The following TOP3A variants were observed in gnomAD, a reference collection of about 807,000 sequenced individuals.
TOP3A encodes DNA topoisomerase 3-alpha.
Under a neutral mutation model 111.3 loss-of-function variants are expected in TOP3A, and 64 were observed. The observed-to-expected ratio is 0.57, with a 90% CI of 0.47 to 0.71. The LOEUF is 0.71. Ranked by LOEUF, TOP3A falls within the 30% of genes least tolerant of loss-of-function variation. TOP3A has a pLI of 0.00. For missense variants in TOP3A, 1,104 were observed against 1,285.0 expected (o/e 0.86, Z 2.15); for synonymous variants, 484 against 485.1 (o/e 1.00, Z 0.03).
In TOP3A at chr17:18,294,829, C is replaced by G. The variant is rs749634356; in HGVS notation, c.991-44G>C. ...GGCATGTTAGGTGTACTGCATGGGTCAGGCAGCACAACTCAAATACACAAC... is the reference window on the plus strand; with the variant it reads ...GGCATGTTAGGTGTACTGCATGGGTGAGGCAGCACAACTCAAATACACAAC... On this transcript the variant is annotated intron_variant, in intron 9 of 18. Transcript: ENST00000321105. 4 of 1,319,386 alleles carry G rather than the reference C, an allele frequency of 3.0e-6. No homozygotes were observed. The South Asian group carries it at 4.7e-5, about 16-fold the overall frequency. 81.7% of individuals were successfully genotyped at this position (1,319,386 alleles called of 1,614,324 possible).
intron 17 of TOP3A, 35 bp downstream of exon 17, chr17:18,280,501 C>G: frequency 6.2e-7 from 1 of 1,608,018 alleles, no homozygotes; most frequent in Non-Finnish European, 8.5e-7. Context: ...TGTACACACT[C>G]CAGAGGAGGC....
chr17:18,288,153 T>TATATATAAA (rs1567739499), intron 13 of TOP3A, among the ~76,000 whole-genome samples: 2 of 79,840 alleles, frequency 2.5e-5, no homozygotes, highest in Admixed American at 1.2e-4. Flanking sequence ...ATATATAAAT[T>TATATATAAA]TTTTTTTTTT....
chr17:18,276,768 C>T (rs1009950274), intron 18 of TOP3A, among the ~76,000 whole-genome samples: 2 of 152,224 alleles, frequency 1.3e-5, no homozygotes, highest in African/African-American at 4.8e-5. Context: ...TCCACGTACA[C>T]CATTCAACTT....
At position 18,277,760 on chromosome 17, in the gene TOP3A, G is replaced by T. The variant is rs763832794; in HGVS notation, c.2742C>A (p.Asn914Lys). The change falls in exon 18 of 19, where the codon AAC becomes AAA. Residue 914 changes from asparagine to lysine, a missense_variant. Transcript: ENST00000321105. ...CACATGTGTGGAACTGGCGCCCCTTGTTGGGTCCATCCTTCTGCACAGTCC... is the reference window on the plus strand; with the variant it reads ...CACATGTGTGGAACTGGCGCCCCTTTTTGGGTCCATCCTTCTGCACAGTCC... ...VTRTVQKDGPNKGRQFHTCAK... is the reference protein window; with the variant it reads ...VTRTVQKDGPKKGRQFHTCAK... The T allele has an allele frequency of 1.9e-6, 3 of 1,614,112 alleles. No individual in the cohort carries two copies. The highest frequency in any genetic ancestry group is 2.2e-5 in the South Asian group (2 of 91,094).
In TOP3A at chr17:18,285,380, C is replaced by T. The variant is rs527565855; in HGVS notation, c.1711+27G>A. Reference sequence around the variant, plus strand: ...GGGACTTGGGCGACACCACCCACTACCCACTGCAAGCTCTGTCCTCCCTTA... The same window carrying T: ...GGGACTTGGGCGACACCACCCACTATCCACTGCAAGCTCTGTCCTCCCTTA... On this transcript the variant is annotated intron_variant, in intron 14 of 18. Coordinates refer to ENST00000321105, the MANE Select transcript of TOP3A (RefSeq NM_004618.5). 83 of 1,613,542 alleles carry T rather than the reference C, an allele frequency of 5.1e-5. 3 individuals are homozygous for T. In the South Asian group the frequency reaches 8.6e-4, roughly 17 times the overall value.
chr17:18,275,344 C>CTT (rs71155327), intron 18 of TOP3A, among the ~76,000 whole-genome samples: 834 of 77,132 alleles, frequency 0.011, 7 homozygotes, highest in East Asian at 0.014. Flanking sequence ...GCTGAACCAA[C>CTT]TTTTTTTTTT....
chr17:18,273,876 G>A lies in TOP3A; in HGVS notation c.*926C>T, dbSNP rs1979155516. On this transcript the variant is annotated 3_prime_UTR_variant, in exon 19 of 19. Transcript: ENST00000321105. The stretch of plus-strand genomic sequence containing the variant: ...TGATCTCAAGCAATCCTCCAGCCTT[G>A]GCCTCCCTAAGTGCTGGATTACAGG... 1 of 152,030 alleles carries A rather than the reference G, an allele frequency of 6.6e-6. No individual in the cohort carries two copies. The highest frequency in any genetic ancestry group is 2.4e-5 in the African/African-American group (1 of 41,394). The allele number at this position is 152,030 out of a possible 1,614,324, so 9.4% of individuals were successfully genotyped here. A position where few individuals can be genotyped will look rare whatever the true frequency, so the allele number is the denominator to read the frequency against.
Position 18,305,240 on chromosome 17 carries a change from A to G in TOP3A, c.391-20T>C. The stretch of plus-strand genomic sequence containing the variant: ...AGTTTTCTTAAGTTCGCAGTGGAAT[A>G]AGAGTGGTGAGAACAGAATTGCACA... On this transcript the variant is annotated intron_variant, in intron 4 of 18. Coordinates refer to ENST00000321105, the MANE Select transcript of TOP3A (RefSeq NM_004618.5). 23 of 1,592,682 alleles carry G rather than the reference A, an allele frequency of 1.4e-5. No homozygotes were observed. The highest frequency in any genetic ancestry group is 2.0e-5 in the Non-Finnish European group (23 of 1,160,698).
In TOP3A at chr17:18,277,836, T is replaced by C. The variant is rs772151840; in HGVS notation, c.2666A>G (p.Asp889Gly). The change falls in exon 18 of 19, where the codon GAT (aspartate) becomes GGT (glycine). Residue 889 changes from aspartate (D) to glycine (G), a missense_variant. Physicochemically the swap from Asp to Gly is moderately conservative, Grantham distance 94 (BLOSUM62 -1). Coordinates refer to ENST00000321105, the MANE Select transcript of TOP3A (RefSeq NM_004618.5). The part of the protein sequence containing the change: ...IHLGGFGNPG[D>G]GSGSGTSCLC... ...GCAGGATGTGCCACTACCACTGCCA[T>C]CACCAGGGTTGCCAAACCCACCTAG... The C allele has an allele frequency of 6.2e-7, 1 of 1,614,126 alleles. No homozygotes were observed. The highest frequency in any genetic ancestry group is 1.7e-5 in the Admixed American group (1 of 60,034).
At chr17:18,300,853 T>C (rs146379568) in intron 8 of TOP3A, among the ~76,000 whole-genome samples, 106 of 152,254 alleles carry the variant, frequency 7.0e-4, no homozygotes, top group African/African-American at 2.5e-3. Flanking sequence ...GAGAGAGAGA[T>C]GGAGAAGGCA....
rs376457096 is a variant in TOP3A, at chr17:18,302,443, T to C, written c.644-9A>G. The C allele has an allele frequency of 4.1e-5, 32 of 789,236 alleles. No homozygotes were observed. The highest frequency in any genetic ancestry group is 6.3e-5 in the African/African-American group (2 of 31,780). The allele number at this position is 789,236 out of a possible 1,614,324, so 48.9% of individuals were successfully genotyped here. A position where few individuals can be genotyped will look rare whatever the true frequency, so the allele number is the denominator to read the frequency against. On this transcript the variant is annotated splice_polypyrimidine_tract_variant and intron_variant, in intron 6 of 18. Transcript: ENST00000321105. ...CCTAGTAAAGGCAGCTCCTGGAGAG[T>C]GAAGGAGAGTGAAGGAAGGTGAAAA...
chr17:18,285,400 C>A lies in TOP3A; in HGVS notation c.1711+7G>T, dbSNP rs1980027092. 1 of 1,613,964 alleles carries A rather than the reference C, an allele frequency of 6.2e-7. No individual in the cohort carries two copies. Among genetic ancestry groups the A allele is most frequent in the Non-Finnish European group, 8.5e-7 (1 of 1,179,998 alleles). On this transcript the variant is annotated splice_region_variant and intron_variant, in intron 14 of 18. Transcript: ENST00000321105. ...CACTACCCACTGCAAGCTCTGTCCT[C>A]CCTTACCTTCCACAAGTCCCATGCC...
chr17:18,284,923 C>T (rs1206880029), intron 15 of TOP3A, among the ~76,000 whole-genome samples: 1 of 152,188 alleles, frequency 6.6e-6, no homozygotes, highest in African/African-American at 2.4e-5. Context: ...AGAAGAAAGT[C>T]CAAAGAAAAG....
chr17:18,294,206 T>A (rs971802848), intron 10 of TOP3A, among the ~76,000 whole-genome samples: 2 of 152,218 alleles, frequency 1.3e-5, no homozygotes, highest in African/African-American at 4.8e-5. Flanking sequence ...ACTCTATGGG[T>A]TTTTACATAG....
chr17:18,311,396 C>T (rs181386712), intron 1 of TOP3A, among the ~76,000 whole-genome samples: 12 of 152,156 alleles, frequency 7.9e-5, no homozygotes, highest in Admixed American at 5.9e-4. Context: ...CGGGTTGAAG[C>T]GATTCTCCTG....
intron 4 of TOP3A, among the ~76,000 whole-genome samples, chr17:18,305,551 G>C (rs542551432): frequency 6.6e-6 from 1 of 151,932 alleles, no homozygotes; most frequent in Non-Finnish European, 1.5e-5. Context: ...TAAAAAAAAC[G>C]AAGCCGGCTG....
intron 1 of TOP3A, among the ~76,000 whole-genome samples, 191 bp from the exon 2 acceptor site, chr17:18,309,132 T>C (rs1319498403): frequency 1.3e-5 from 2 of 152,076 alleles, no homozygotes; most frequent in African/African-American, 2.4e-5. Flanking sequence ...TATTAATCAT[T>C]AGGAAAACAC....
At chr17:18,302,492 C>T in intron 6 of TOP3A, 58 bp from the exon 7 acceptor site, 2 of 1,594,854 alleles carry the variant, frequency 1.3e-6, no homozygotes, top group Non-Finnish European at 8.6e-7. Context: ...GAGTCCAGGG[C>T]TGGCTGCACA....
rs773448745 is a variant in TOP3A, at chr17:18,292,795, C to T, written c.1131G>A (p.Thr377=). 9 of 1,614,086 alleles carry T rather than the reference C, an allele frequency of 5.6e-6. No homozygotes were observed. The highest frequency in any genetic ancestry group is 2.7e-5 in the African/African-American group (2 of 75,054). The change falls in exon 11 of 19, where the codon ACG becomes ACA. Residue 377 remains threonine (T), a synonymous_variant. Transcript: ENST00000321105. ...TNIFPRDLNL[T]VLVEQQTPDP... is the part of the protein sequence containing the mutation. Reference sequence around the variant, plus strand: ...CGGGGGTCTGCTGTTCCACCAACACCGTCAGGTTTAAGTCTCTGGGAAAAA... The same window carrying T: ...CGGGGGTCTGCTGTTCCACCAACACTGTCAGGTTTAAGTCTCTGGGAAAAA...
Sources: allele counts gnomAD v4.1 joint callset (sites outside exome capture counted in the v4.1 genomes callset), GRCh38; gene constraint gnomAD v4.1.1; transcripts MANE v1.5; gene names NCBI Gene and HGNC (gene_info 2026-07-23, HGNC 2026-07-21).